RBFOX1: variants seen among roughly 807,000 people sequenced by gnomAD.
RBFOX1 encodes the protein RNA binding fox-1 homolog 1.
Under a neutral mutation model 57.7 loss-of-function variants are expected in RBFOX1, and 8 were observed. That is an observed-to-expected ratio of 0.14 (90% CI 0.08 to 0.25). RBFOX1 has a LOEUF of 0.25. RBFOX1 is among the 10% of genes least tolerant of loss of function. The pLI, the probability that RBFOX1 is intolerant of heterozygous loss-of-function variation, is 1.00. For synonymous variants in RBFOX1, 326 were observed against 222.4 expected, an observed-to-expected ratio of 1.47 and a Z score of -4.15; for missense variants, 611 against 548.5, an observed-to-expected ratio of 1.11 and a Z score of -1.14.
chr16:7,383,360 G>A (rs1342801933), intron 4 of RBFOX1, among the ~76,000 whole-genome samples: 1 of 151,874 alleles, frequency 6.6e-6, no homozygotes, highest in Non-Finnish European at 1.5e-5. Flanking sequence ...CCCAGTGGAG[G>A]CAAAAACAAA....
chr16:6,820,789 G>T (rs1603628811), intron 3 of RBFOX1, among the ~76,000 whole-genome samples: 2 of 152,122 alleles, frequency 1.3e-5, no homozygotes, highest in Non-Finnish European at 2.9e-5. Flanking sequence ...ACTGCAAAAG[G>T]CCTGTGAATG....
chr16:7,014,925 C>T (rs900646515), intron 3 of RBFOX1, among the ~76,000 whole-genome samples: 4 of 152,116 alleles, frequency 2.6e-5, no homozygotes, highest in Non-Finnish European at 5.9e-5. Context: ...CACTTTTGAA[C>T]ATATTGGCCA....
chr16:5,713,523 A>G (rs2051572088), intron 3 of RBFOX1, among the ~76,000 whole-genome samples: 1 of 152,088 alleles, frequency 6.6e-6, no homozygotes, highest in South Asian at 2.1e-4. Context: ...GTTCCTAAGG[A>G]GGGTATCTGT....
intron 3 of RBFOX1, among the ~76,000 whole-genome samples, chr16:5,781,502 A>G (rs964588414): frequency 1.3e-5 from 2 of 152,178 alleles, no homozygotes; most frequent in East Asian, 1.9e-4. Flanking sequence ...ATATTTACAA[A>G]TGTTCTCTAG....
intron 3 of RBFOX1, among the ~76,000 whole-genome samples, chr16:5,766,650 C>T (rs11076963): frequency 3.3e-5 from 5 of 152,024 alleles, no homozygotes; most frequent in Non-Finnish European, 7.4e-5. Context: ...ACCATGAGGA[C>T]AGCACCAAGA....
chr16:7,167,521 C>T (rs551987287), intron 4 of RBFOX1, among the ~76,000 whole-genome samples: 26 of 152,184 alleles, frequency 1.7e-4, no homozygotes, highest in Non-Finnish European at 3.2e-4. Context: ...CAAGAAAGAC[C>T]CTCCCATGCA....
At chr16:5,982,877 G>C (rs189648155) in intron 4 of RBFOX1, among the ~76,000 whole-genome samples, 10 of 152,318 alleles carry the variant, frequency 6.6e-5, no homozygotes, top group African/African-American at 2.4e-4. Context: ...AGATGTAGCA[G>C]TGTCTGGCAG....
chr16:7,652,747 C>T (rs1000070028), intron 11 of RBFOX1, among the ~76,000 whole-genome samples: 3 of 152,256 alleles, frequency 2.0e-5, no homozygotes, highest in Admixed American at 6.5e-5. Flanking sequence ...AGACTTATCG[C>T]GTATTTGTAA....
At chr16:7,388,876 T>G (rs1200794283) in intron 4 of RBFOX1, among the ~76,000 whole-genome samples, 3 of 152,064 alleles carry the variant, frequency 2.0e-5, no homozygotes, top group Non-Finnish European at 4.4e-5. Context: ...TGGAATGCAA[T>G]TTTGATAGAA....
At chr16:5,549,881 G>GGTGTGGATGA (rs2045387566) in intron 2 of RBFOX1, among the ~76,000 whole-genome samples, 1 of 152,170 alleles carries the variant, frequency 6.6e-6, no homozygotes, top group African/African-American at 2.4e-5. Flanking sequence ...TGCAGGCCCA[G>GGTGTGGATGA]GTGTGGATGA....
chr16:7,684,491 C>G lies in RBFOX1; in HGVS notation c.995+7653C>G, dbSNP rs114170688. 9.2e-3 allele frequency among the ~76,000 whole-genome samples: 1,394 copies of G among 151,972 alleles called. 21 individuals carry two copies. Among genetic ancestry groups the G allele is most frequent in the African/African-American group, 0.031 (1,274 of 41,436 alleles). On this transcript the variant is annotated intron_variant, in intron 14 of 15. Transcript: ENST00000550418. ...AGATTTCTGAAAGCTGAAACATAATCAAAGCCAAATATTCTCGTAATTATC... is the reference window on the plus strand; with the variant it reads ...AGATTTCTGAAAGCTGAAACATAATGAAAGCCAAATATTCTCGTAATTATC...
chr16:6,657,445 C>A lies in RBFOX1; in HGVS notation c.-16+2795C>A, dbSNP rs140123126. On this transcript the variant is annotated intron_variant, in intron 3 of 15. Coordinates refer to ENST00000550418, the MANE Select transcript of RBFOX1 (RefSeq NM_018723.4). ...CCTCACCCCAGCAGAACAGCTCCAT[C>A]CCCCTCCCTCTCTGCTTGGTGATAT... is the stretch of plus-strand genomic sequence containing the variant. Among the ~76,000 whole-genome samples the A allele has an allele frequency of 1.6e-3, 244 of 152,130 alleles. 1 individual carries two copies. Among genetic ancestry groups the A allele is most frequent in the Middle Eastern group, 0.01 (3 of 292 alleles).
chr16:5,268,290 C>T (rs753129179), intron 1 of RBFOX1, among the ~76,000 whole-genome samples: 5 of 152,236 alleles, frequency 3.3e-5, no homozygotes, highest in South Asian at 2.1e-4. Flanking sequence ...CAAAATTTGC[C>T]GTATAACTGT....
chr16:5,876,216 T>G lies in RBFOX1; in HGVS notation c.351+8881T>G, dbSNP rs941442213. 1.1e-4 allele frequency among the ~76,000 whole-genome samples: 16 copies of G among 152,242 alleles called. No homozygotes were observed. The East Asian group carries it at 3.1e-3, about 29-fold the overall frequency. ...CAAATGGGGGGAAAAACAGCTAACT[T>G]TTAATTAGCACCTGAGTCTGTGCCA... On this transcript the variant is annotated intron_variant, in intron 4 of 19. Transcript: ENST00000641259.
At chr16:6,205,225 A>G (rs2097246857) in intron 1 of RBFOX1, among the ~76,000 whole-genome samples, 1 of 152,182 alleles carries the variant, frequency 6.6e-6, no homozygotes, top group Non-Finnish European at 1.5e-5. Context: ...CTTGCTAGCT[A>G]GTTCCGAAGA....
chr16:7,482,995 G>A (rs1039765227), intron 4 of RBFOX1, among the ~76,000 whole-genome samples: 1 of 152,106 alleles, frequency 6.6e-6, no homozygotes, highest in African/African-American at 2.4e-5. Context: ...ATGATTGTCA[G>A]CTGATTTTCC....
At chr16:5,569,847 A>G (rs1361726686) in intron 2 of RBFOX1, among the ~76,000 whole-genome samples, 1 of 151,928 alleles carries the variant, frequency 6.6e-6, no homozygotes, top group Non-Finnish European at 1.5e-5. Context: ...TCCTCTTTGG[A>G]TAGTTTAGGG....
At chr16:7,246,225 G>A (rs1476540767) in intron 4 of RBFOX1, among the ~76,000 whole-genome samples, 1 of 152,090 alleles carries the variant, frequency 6.6e-6, no homozygotes, top group Non-Finnish European at 1.5e-5. Flanking sequence ...GAGAAAATTT[G>A]GAAGGAATCC....
At chr16:6,487,312 A>G (rs897636157) in intron 2 of RBFOX1, among the ~76,000 whole-genome samples, 1 of 151,908 alleles carries the variant, frequency 6.6e-6, no homozygotes, top group African/African-American at 2.4e-5. Context: ...TATGCTTCCA[A>G]TTTTTCCTGC....
Sources: gnomAD v4.1 joint callset for allele counts (sites outside exome capture counted in the v4.1 genomes callset) on GRCh38, gnomAD v4.1.1 for gene constraint, MANE v1.5 for transcripts, NCBI Gene and HGNC (gene_info 2026-07-23, HGNC 2026-07-21) for gene names.